The following DYNC2H1 variants were observed in gnomAD, a reference collection of about 807,000 sequenced individuals.
DYNC2H1 encodes the protein cytoplasmic dynein 2 heavy chain 1.
A neutral mutation model predicts 570.0 loss-of-function variants in DYNC2H1; 410 were observed. The ratio of observed to expected loss-of-function variants is 0.72; its 90% confidence interval spans 0.66 to 0.78. The LOEUF is 0.78. Among genes scored for constraint, DYNC2H1 ranks in the 30% least tolerant of loss-of-function variants. The pLI is 0.00. For synonymous variants in DYNC2H1, 1,688 were observed against 1,677.6 expected, an observed-to-expected ratio of 1.01 and a Z score of -0.15; for missense variants, 4,865 against 5,046.4, an observed-to-expected ratio of 0.96 and a Z score of 1.09.
intron 79 of DYNC2H1, among the ~76,000 whole-genome samples, chr11:103,313,506 C>T (rs1867688459): frequency 1.3e-5 from 2 of 152,132 alleles, no homozygotes; most frequent in Non-Finnish European, 2.9e-5. Context: ...CTCAAACTTT[C>T]CCCCTCATGC....
intron 84 of DYNC2H1, among the ~76,000 whole-genome samples, chr11:103,427,230 A>G (rs913489617): frequency 6.6e-6 from 1 of 152,190 alleles, no homozygotes; most frequent in Non-Finnish European, 1.5e-5. Context: ...CAATGTACAA[A>G]TAATCCACAA....
At chr11:103,217,669 G>A (rs1349211582) in intron 55 of DYNC2H1, among the ~76,000 whole-genome samples, 2 of 152,140 alleles carry the variant, frequency 1.3e-5, no homozygotes, top group Non-Finnish European at 2.9e-5. Context: ...TGACCTTGGT[G>A]AGGCAAAGAC....
rs1860522799 is a variant in DYNC2H1, at chr11:103,151,274, A to G, written c.2947-862A>G. Among the ~76,000 whole-genome samples the G allele has an allele frequency of 6.6e-6, 1 of 151,990 alleles. No individual in the cohort carries two copies. On this transcript the variant is annotated intron_variant, in intron 20 of 88. Transcript: ENST00000375735. The surrounding 1 kb of genome is among the most constrained non-coding windows in gnomAD (Gnocchi z 4.6). ...CCACCATGCCCAGTTAATTTTTAAA[A>G]TATATTTTTTTAGAGATGCGTTCTC...
intron 82 of DYNC2H1, among the ~76,000 whole-genome samples, chr11:103,341,977 C>T (rs1939463447): frequency 6.6e-6 from 1 of 151,982 alleles, no homozygotes; most frequent in Non-Finnish European, 1.5e-5. Flanking sequence ...CCCTTCTCTA[C>T]AAAAAATTAA....
Position 103,359,781 on chromosome 11 carries a change from C to T in DYNC2H1, c.12156+1422C>T, listed in dbSNP as rs528006101. ...CCGGGTTCAAGTGATTCTCCTGCCTCAGCCACCCGAGTAGCTGGGACTACA... is the reference window on the plus strand; with the variant it reads ...CCGGGTTCAAGTGATTCTCCTGCCTTAGCCACCCGAGTAGCTGGGACTACA... On this transcript the variant is annotated intron_variant, in intron 83 of 88. Transcript: ENST00000375735. Among the ~76,000 whole-genome samples the T allele has an allele frequency of 1.6e-4, 24 of 151,960 alleles. 1 individual carries two copies. In the South Asian group the frequency reaches 4.6e-3, roughly 29 times the overall value.
At chr11:103,211,143 C>T (rs1305589192) in intron 53 of DYNC2H1, among the ~76,000 whole-genome samples, 1 of 151,852 alleles carries the variant, frequency 6.6e-6, no homozygotes, top group African/African-American at 2.4e-5. Context: ...AGGAGGTAAT[C>T]TAAATGAGAC....
At chr11:103,258,118 A>G (rs1242109955) in intron 69 of DYNC2H1, among the ~76,000 whole-genome samples, 1 of 152,320 alleles carries the variant, frequency 6.6e-6, no homozygotes, top group Admixed American at 6.5e-5. Context: ...CTTGTTGTTT[A>G]AGGCAGTAAC....
At position 103,129,171 on chromosome 11, in the gene DYNC2H1, A is replaced by G. The variant is rs1859142159; in HGVS notation, c.1953+166A>G. On this transcript the variant is annotated intron_variant, in intron 13 of 88. Coordinates refer to ENST00000375735, the MANE Select transcript of DYNC2H1 (RefSeq NM_001377.3). The surrounding 1 kb of genome is among the most constrained non-coding windows in gnomAD (Gnocchi z 4.1). ...AAGTAAAATTATTTTTTCTAACTGTAGGTTTAAGTGGTTAGAATATTTCAT... is the reference window on the plus strand; with the variant it reads ...AAGTAAAATTATTTTTTCTAACTGTGGGTTTAAGTGGTTAGAATATTTCAT... Among the ~76,000 whole-genome samples, 1 of 152,064 alleles carries G rather than the reference A, an allele frequency of 6.6e-6. No individual in the cohort carries two copies.
intron 19 of DYNC2H1, among the ~76,000 whole-genome samples, chr11:103,148,281 C>A (rs1211241298): frequency 2.0e-5 from 3 of 152,046 alleles, no homozygotes; most frequent in Non-Finnish European, 4.4e-5. Context: ...TTTTTAAATA[C>A]AACGTGAAAC....
chr11:103,222,765 AT>A (rs1465936615), intron 58 of DYNC2H1, among the ~76,000 whole-genome samples, 199 bp from the exon 59 acceptor site: 6 of 152,214 alleles, frequency 3.9e-5, no homozygotes, highest in Non-Finnish European at 5.9e-5. Context: ...CAAAAAATTT[AT>A]TTTTAAGTGA....
At chr11:103,235,116 A>C (rs944631945) in intron 61 of DYNC2H1, among the ~76,000 whole-genome samples, 3 of 151,956 alleles carry the variant, frequency 2.0e-5, no homozygotes, top group African/African-American at 7.2e-5. Context: ...CAATCTGATT[A>C]CATTACTCAT....
chr11:103,443,195 T>G (rs1272459525), intron 85 of DYNC2H1, among the ~76,000 whole-genome samples: 1 of 152,058 alleles, frequency 6.6e-6, no homozygotes, highest in Non-Finnish European at 1.5e-5. Flanking sequence ...AAACATTGTG[T>G]ACTTGTGATT....
chr11:103,133,157 G>A lies in DYNC2H1; in HGVS notation c.1954-398G>A, dbSNP rs2134768348. ...GCTGCTGTTTTCCTAGCCCTTTATA[G>A]GAGGTTTTTGAGTCTGTGCCTGTCA... On this transcript the variant is annotated intron_variant, in intron 13 of 88. Coordinates refer to ENST00000375735, the MANE Select transcript of DYNC2H1 (RefSeq NM_001377.3). The surrounding 1 kb of genome is among the most constrained non-coding windows in gnomAD (Gnocchi z 4.8). 6.6e-6 allele frequency among the ~76,000 whole-genome samples: 1 copy of A among 152,262 alleles called. No individual in the cohort carries two copies. The highest frequency in any genetic ancestry group is 2.1e-4 in the South Asian group (1 of 4,828).
intron 59 of DYNC2H1, among the ~76,000 whole-genome samples, chr11:103,224,675 T>C (rs2135163469): frequency 6.6e-6 from 1 of 152,328 alleles, no homozygotes; most frequent in South Asian, 2.1e-4. Flanking sequence ...GTTGGTTCCA[T>C]ATTTTTGCCA....
Position 103,189,961 on chromosome 11 carries a change from G to A in DYNC2H1, c.7437+145G>A, listed in dbSNP as rs1264845127. 3.9e-6 allele frequency: 3 copies of A among 775,490 alleles called. No homozygotes were observed. The African/African-American group carries it at 5.2e-5, about 14-fold the overall frequency. 48.0% of individuals were successfully genotyped at this position (775,490 alleles called of 1,614,324 possible). A position where few individuals can be genotyped will look rare whatever the true frequency, so the allele number is the denominator to read the frequency against. ...TAGTAGAGAGTAACTGTGAAGACAG[G>A]TGCTGTGTGTGCCTTATTCACTGTT... is the stretch of plus-strand genomic sequence containing the variant. On this transcript the variant is annotated intron_variant, in intron 45 of 88. Coordinates refer to ENST00000375735, the MANE Select transcript of DYNC2H1 (RefSeq NM_001377.3). This position sits in a 1 kb window ranked among gnomAD's most constrained non-coding sequence, Gnocchi z 4.3.
chr11:103,117,665 G>C lies in DYNC2H1; in HGVS notation c.801G>C (p.Leu267Phe). ...TTGGAAGGTTTGTTCAGAAAAAGTT[G>C]GGAACTTTGAACCTGTGGGAAGATC... The part of the protein sequence containing the change: ...GSFGRFVQKK[L>F]GTLNLWEDPY... Residue 267 changes from leucine (L) to phenylalanine (F), a missense_variant, in exon 6 of 89, where the codon TTG (leucine) becomes TTC (phenylalanine). Physicochemically the swap from Leu to Phe is conservative, Grantham distance 22. This residue lies in a region of DYNC2H1 where 1,936 missense variants were observed against 1,962.1 expected (regional missense o/e 0.99). Coordinates refer to ENST00000375735, the MANE Select transcript of DYNC2H1 (RefSeq NM_001377.3). 5.0e-6 allele frequency: 8 copies of C among 1,607,050 alleles called. No individual in the cohort carries two copies. The highest frequency in any genetic ancestry group is 6.8e-6 in the Non-Finnish European group (8 of 1,176,016).
chr11:103,290,055 T>G (rs888054120), intron 75 of DYNC2H1, among the ~76,000 whole-genome samples: 3 of 151,896 alleles, frequency 2.0e-5, no homozygotes, highest in Non-Finnish European at 4.4e-5. Context: ...AGGACACCAG[T>G]CATATTGGAT....
intron 84 of DYNC2H1, among the ~76,000 whole-genome samples, chr11:103,412,337 C>T (rs1025843179): frequency 6.6e-6 from 1 of 151,990 alleles, no homozygotes; most frequent in Non-Finnish European, 1.5e-5. Flanking sequence ...TCTGCTAAAA[C>T]TTTTTTAAAT....
chr11:103,449,691 TATTGTTTA>T (rs1218811788), intron 85 of DYNC2H1, among the ~76,000 whole-genome samples: 1 of 129,450 alleles, frequency 7.7e-6, no homozygotes, highest in Non-Finnish European at 1.6e-5. Context: ...TTAATTAGAA[TATTGTTTA>T]ATTAAAAAAT....
Sources: gnomAD v4.1 joint callset for allele counts (sites outside exome capture counted in the v4.1 genomes callset) on GRCh38, gnomAD v4.1.1 for gene constraint, gnomAD v4.1.1 regional missense constraint, Gnocchi (gnomAD v3.1) non-coding constraint, MANE v1.5 for transcripts, NCBI Gene and HGNC (gene_info 2026-07-23, HGNC 2026-07-21) for gene names.